SHC4: variants seen among roughly 807,000 people sequenced by gnomAD.
SHC4 encodes the protein SHC adaptor protein 4.
In SHC4, 41 loss-of-function variants were observed where a neutral mutation model predicts 69.4. The observed-to-expected ratio is 0.59, with a 90% CI of 0.46 to 0.77. The LOEUF is 0.77. SHC4 is among the 30% of genes least tolerant of loss of function. SHC4 has a pLI of 0.00. For synonymous variants in SHC4, 318 were observed against 299.3 expected, an observed-to-expected ratio of 1.06 and a Z score of -0.64; for missense variants, 777 against 783.8, an observed-to-expected ratio of 0.99 and a Z score of 0.10.
intron 1 of SHC4, among the ~76,000 whole-genome samples, chr15:48,948,431 C>T (rs951719386): frequency 5.9e-5 from 9 of 152,344 alleles, no homozygotes; most frequent in African/African-American, 2.2e-4. Flanking sequence ...GACTGATCTC[C>T]AGTTGACAAC....
intron 1 of SHC4, among the ~76,000 whole-genome samples, chr15:48,959,662 G>A (rs897385133): frequency 2.0e-5 from 3 of 152,166 alleles, no homozygotes; most frequent in Admixed American, 2.0e-4. Context: ...TACCAAGCAA[G>A]GTTTGATTTA....
Position 48,960,575 on chromosome 15 carries a change from C to T in SHC4, c.585+1856G>A, listed in dbSNP as rs1901530911. ...TTTGCCAGGACTGCCCAAGCCTGCT[C>T]TCTCTGTAACCCTTCCAGTGTTTAT... On this transcript the variant is annotated intron_variant, in intron 1 of 11. Coordinates refer to ENST00000332408, the MANE Select transcript of SHC4 (RefSeq NM_203349.4). Among the ~76,000 whole-genome samples the T allele has an allele frequency of 2.0e-5, 3 of 152,196 alleles. No homozygotes were observed. The South Asian group carries it at 6.2e-4, about 32-fold the overall frequency.
chr15:48,826,865 T>C (rs2140961438), intron 11 of SHC4, among the ~76,000 whole-genome samples: 1 of 152,306 alleles, frequency 6.6e-6, no homozygotes, highest in South Asian at 2.1e-4. Flanking sequence ...CCAAGAAGCC[T>C]CCTCAGACCT....
chr15:48,873,135 C>A lies in SHC4; in HGVS notation c.841-993G>T, dbSNP rs556294256. ...TGACTATTGTAATATTCAATGGTGG[C>A]ATACTATATAGCAGCAACATGTTTG... On this transcript the variant is annotated intron_variant, in intron 4 of 11. Coordinates refer to ENST00000332408, the MANE Select transcript of SHC4 (RefSeq NM_203349.4). 1.7e-4 allele frequency among the ~76,000 whole-genome samples: 26 copies of A among 152,072 alleles called. 1 individual carries two copies. In the East Asian group the frequency reaches 2.3e-3, roughly 14 times the overall value.
In SHC4 at chr15:48,878,534, G is replaced by A. The variant is rs761926680; in HGVS notation, c.840+5714C>T. On this transcript the variant is annotated intron_variant, in intron 4 of 11. Coordinates refer to ENST00000332408, the MANE Select transcript of SHC4 (RefSeq NM_203349.4). ...TCCCGAAGAGGAGCAGCTCAGTGGT[G>A]CCGGCTACAGAGTATCAGCCGCTCT... is the stretch of plus-strand genomic sequence containing the variant. The A allele has an allele frequency of 4.3e-6, 7 of 1,613,974 alleles. No individual in the cohort carries two copies. In the Admixed American group the frequency reaches 6.7e-5, roughly 15 times the overall value.
intron 2 of SHC4, among the ~76,000 whole-genome samples, chr15:48,895,627 T>G (rs1900209073): frequency 6.6e-6 from 1 of 152,186 alleles, no homozygotes; most frequent in African/African-American, 2.4e-5. Context: ...AGCCAGGCTG[T>G]GCCCACCTGG....
intron 7 of SHC4, 121 bp downstream of exon 7, chr15:48,857,571 A>C: frequency 1.1e-6 from 1 of 925,332 alleles, no homozygotes; most frequent in Admixed American, 3.5e-5. Context: ...AAAATTACTA[A>C]TTTTATTAGT....
At chr15:48,944,696 G>A (rs1901242845) in intron 1 of SHC4, among the ~76,000 whole-genome samples, 1 of 152,092 alleles carries the variant, frequency 6.6e-6, no homozygotes, top group Admixed American at 6.5e-5. Flanking sequence ...AAGTGATAAG[G>A]GGGATCTTTT....
rs1319721432 is a variant in SHC4, at chr15:48,829,250, C to T, written c.1738-3124G>A. Among the ~76,000 whole-genome samples the T allele has an allele frequency of 2.0e-5, 3 of 152,130 alleles. No homozygotes were observed. The East Asian group carries it at 5.8e-4, about 29-fold the overall frequency. On this transcript the variant is annotated intron_variant, in intron 11 of 11. Transcript: ENST00000332408. ...ATGTTCTGTATATGTATGTTAGATC[C>T]ACTTGGTCCATAGTGTTGTTCAAGT... is the stretch of plus-strand genomic sequence containing the variant.
chr15:48,839,979 C>T (rs966631611), intron 10 of SHC4, among the ~76,000 whole-genome samples: 5 of 152,174 alleles, frequency 3.3e-5, no homozygotes, highest in Non-Finnish European at 7.3e-5. Context: ...CTATGGTCTG[C>T]CAATCGCAGG....
intron 1 of SHC4, among the ~76,000 whole-genome samples, chr15:48,956,150 T>C (rs1437751185): frequency 6.6e-6 from 1 of 152,086 alleles, no homozygotes; most frequent in Non-Finnish European, 1.5e-5. Flanking sequence ...GGAAGGAAAA[T>C]ATAATACCCT....
chr15:48,867,895 T>C lies in SHC4; in HGVS notation c.895-26A>G, dbSNP rs760989599. 6 of 1,584,606 alleles carry C rather than the reference T, an allele frequency of 3.8e-6. No homozygotes were observed. In the African/African-American group the frequency reaches 5.4e-5, roughly 14 times the overall value. ...CTATAAAAAAGGGAAAATGACTGTA[T>C]TTAAAATGGATGAACTGTACTGTTG... On this transcript the variant is annotated intron_variant, in intron 5 of 11. Transcript: ENST00000332408.
At chr15:48,910,054 GTGATGCTGGCTTCATAGAA>G (rs1433460839) in intron 2 of SHC4, among the ~76,000 whole-genome samples, 1 of 151,996 alleles carries the variant, frequency 6.6e-6, no homozygotes, top group Non-Finnish European at 1.5e-5. Flanking sequence ...TGGTATTAGG[GTGATGCTGGCTTCATAGAA>G]TGAATTAACA....
At chr15:48,888,870 G>A (rs1900084735) in intron 3 of SHC4, among the ~76,000 whole-genome samples, 2 of 119,992 alleles carry the variant, frequency 1.7e-5, no homozygotes, top group African/African-American at 3.3e-5. Context: ...CTGGGTGACA[G>A]AGTGAAACTG....
chr15:48,919,676 C>G (rs554670180), intron 2 of SHC4, among the ~76,000 whole-genome samples: 1 of 152,224 alleles, frequency 6.6e-6, no homozygotes, highest in East Asian at 1.9e-4. Context: ...GCCTTCAGCT[C>G]TCTTCTTTCA....
chr15:48,880,102 TATC>T (rs1899911883), intron 4 of SHC4: 1 of 167,140 alleles, frequency 6.0e-6, no homozygotes, highest in African/African-American at 2.4e-5. Context: ...CAGCAGGTTT[TATC>T]ATGATCAGTA....
At chr15:48,934,940 G>T (rs183151129) in intron 1 of SHC4, among the ~76,000 whole-genome samples, 48 of 152,284 alleles carry the variant, frequency 3.2e-4, no homozygotes, top group African/African-American at 1.1e-3. Flanking sequence ...GGGGAATGGA[G>T]TGTGACCTCT....
At chr15:48,915,028 C>G (rs1900591171) in intron 2 of SHC4, among the ~76,000 whole-genome samples, 1 of 152,256 alleles carries the variant, frequency 6.6e-6, no homozygotes, top group Non-Finnish European at 1.5e-5. Context: ...AGAGAAACAT[C>G]TGTTCAAGTC....
In SHC4 at chr15:48,824,462, A is replaced by G. The variant is rs1360381200; in HGVS notation, c.*1509T>C. The G allele has an allele frequency of 6.6e-6, 1 of 152,074 alleles. No homozygotes were observed. The highest frequency in any genetic ancestry group is 1.5e-5 in the Non-Finnish European group (1 of 68,006). 9.4% of individuals were successfully genotyped at this position (152,074 alleles called of 1,614,324 possible). A position where few individuals can be genotyped will look rare whatever the true frequency, so the allele number is the denominator to read the frequency against. On this transcript the variant is annotated 3_prime_UTR_variant, in exon 12 of 12. Transcript: ENST00000332408. ...TTTCTTGGAAAGGCAAGAAAAGGAC[A>G]TAAGTAGTTTTCTGCTACTCAAACC...
Sources: gnomAD v4.1 joint callset for allele counts (sites outside exome capture counted in the v4.1 genomes callset) on GRCh38, gnomAD v4.1.1 for gene constraint, MANE v1.5 for transcripts, NCBI Gene and HGNC (gene_info 2026-07-23, HGNC 2026-07-21) for gene names.